The following NME9 variants were observed in gnomAD, a reference collection of about 807,000 sequenced individuals.
NME9 encodes thioredoxin domain-containing protein 6.
Under a neutral mutation model 44.4 loss-of-function variants are expected in NME9, and 48 were observed. That is an observed-to-expected ratio of 1.08 (90% CI 0.86 to 1.37). The LOEUF (loss-of-function observed/expected upper bound fraction) is 1.37, where lower values mean the gene tolerates loss of function less well. Ranked by LOEUF, NME9 falls within the 40% of genes most tolerant of loss-of-function variation. The pLI is 0.00. For missense variants in NME9, 325 were observed against 405.2 expected (o/e 0.80, Z 1.70); for synonymous variants, 139 against 147.1 (o/e 0.94, Z 0.40).
intron 8 of NME9, chr3:138,274,666 A>G: frequency 1.5e-6 from 1 of 668,506 alleles, no homozygotes; most frequent in Non-Finnish European, 2.6e-6. Context: ...GATGCTCTAG[A>G]AATAGGAAGA....
chr3:138,287,642 C>G (rs770230940), intron 8 of NME9: 1 of 456,682 alleles, frequency 2.2e-6, no homozygotes, highest in Admixed American at 2.3e-5. Flanking sequence ...GGAGCCCAAA[C>G]TGGACATCTC....
intron 8 of NME9, among the ~76,000 whole-genome samples, chr3:138,282,759 T>C (rs1397891129): frequency 2.0e-5 from 3 of 152,136 alleles, no homozygotes; most frequent in Admixed American, 1.3e-4. Context: ...ATCTTGAACT[T>C]GGACTCCTAA....
Position 138,264,757 on chromosome 3 carries a change from A to G in NME9, c.746-2171T>C, listed in dbSNP as rs6788103. 7.0e-3 allele frequency among the ~76,000 whole-genome samples: 1,039 copies of G among 148,318 alleles called. 9 individuals are homozygous for G. Among genetic ancestry groups the G allele is most frequent in the African/African-American group, 0.024 (995 of 41,296 alleles). ...TTTATTAACTAAGCTTTAGTTACTCATCTGATCTCCCTATTTGTTTAATAT... is the reference window on the plus strand; with the variant it reads ...TTTATTAACTAAGCTTTAGTTACTCGTCTGATCTCCCTATTTGTTTAATAT... On this transcript the variant is annotated intron_variant, in intron 8 of 8. Coordinates refer to the NME9 transcript ENST00000317876.
At chr3:138,305,956 G>T in intron 8 of NME9, 48 bp downstream of exon 8, 3 of 1,214,558 alleles carry the variant, frequency 2.5e-6, no homozygotes, top group Non-Finnish European at 3.7e-6. Context: ...TAATGTTGGA[G>T]GAAGAGAAAC....
chr3:138,262,377 T>A, exon 9 of NME9: 1 of 795,680 alleles, frequency 1.3e-6, no homozygotes, highest in Non-Finnish European at 2.0e-6. Context: ...AAATTACCAT[T>A]CCTAATCTAC....
At chr3:138,272,505 T>C (rs1391420196) in intron 8 of NME9, among the ~76,000 whole-genome samples, 3 of 152,180 alleles carry the variant, frequency 2.0e-5, no homozygotes, top group Admixed American at 1.3e-4. Context: ...GACAGAAATA[T>C]AGGTGATTAA....
At chr3:138,312,428 A>G (rs986973547) in intron 6 of NME9, among the ~76,000 whole-genome samples, 7 of 152,052 alleles carry the variant, frequency 4.6e-5, no homozygotes, top group Non-Finnish European at 8.8e-5. Flanking sequence ...GACACAGAAT[A>G]GCGAACCCAG....
chr3:138,266,923 C>T (rs2048337668), intron 8 of NME9, among the ~76,000 whole-genome samples: 1 of 152,128 alleles, frequency 6.6e-6, no homozygotes, highest in Non-Finnish European at 1.5e-5. Flanking sequence ...GCAAGAGCCC[C>T]CAGTGAGGCT....
chr3:138,291,133 A>G (rs1364389795), intron 8 of NME9, among the ~76,000 whole-genome samples: 1 of 152,252 alleles, frequency 6.6e-6, no homozygotes, highest in Non-Finnish European at 1.5e-5. Flanking sequence ...ACCTCAAAAT[A>G]GCCATAAATG....
At chr3:138,277,064 C>T (rs189243985) in intron 8 of NME9, among the ~76,000 whole-genome samples, 67 of 151,960 alleles carry the variant, frequency 4.4e-4, no homozygotes, top group Admixed American at 2.5e-3. Context: ...ATGGTCTTAG[C>T]AAAAAAAGAT....
chr3:138,303,761 T>C, intron 9 of NME9, 118 bp from the exon 10 acceptor site: 1 of 876,052 alleles, frequency 1.1e-6, no homozygotes, highest in East Asian at 2.6e-5. Context: ...GTGAAATTGA[T>C]TTCTCTGCAG....
chr3:138,315,469 A>T (rs2053005315), intron 5 of NME9, 58 bp downstream of exon 5: 1 of 1,177,486 alleles, frequency 8.5e-7, no homozygotes, highest in Non-Finnish European at 1.2e-6. Context: ...GGGACTGCTG[A>T]TCTCGCCCTA....
intron 8 of NME9, among the ~76,000 whole-genome samples, chr3:138,280,587 G>A (rs533675653): frequency 4.6e-5 from 7 of 150,672 alleles, no homozygotes; most frequent in South Asian, 2.1e-4. Flanking sequence ...TCCGTCTTCC[G>A]GGTTCACGCC....
intron 6 of NME9, among the ~76,000 whole-genome samples, chr3:138,308,277 G>A (rs534644074): frequency 8.5e-5 from 13 of 152,238 alleles, no homozygotes; most frequent in African/African-American, 3.1e-4. Flanking sequence ...CTCCACACAT[G>A]TAAAAACAGC....
intron 4 of NME9, among the ~76,000 whole-genome samples, chr3:138,317,384 C>T (rs1034306437): frequency 3.3e-5 from 5 of 152,304 alleles, no homozygotes; most frequent in Non-Finnish European, 5.9e-5. Context: ...CCCAGTATTC[C>T]TGACTCTACA....
chr3:138,306,963 C>A (rs74373866), intron 6 of NME9, among the ~76,000 whole-genome samples: 3 of 152,192 alleles, frequency 2.0e-5, no homozygotes, highest in African/African-American at 7.2e-5. Context: ...CTGTCTGCCA[C>A]GTGCTCTCCT....
At chr3:138,324,723 C>T in intron 2 of NME9, 150 bp downstream of exon 2, 1 of 663,500 alleles carries the variant, frequency 1.5e-6, no homozygotes. Flanking sequence ...CACACACACA[C>T]ACACACACAC....
chr3:138,321,539 T>C (rs957087895), intron 2 of NME9, among the ~76,000 whole-genome samples: 8 of 152,182 alleles, frequency 5.3e-5, no homozygotes, highest in African/African-American at 1.2e-4. Context: ...GGGGACACAT[T>C]TAAACCACAG....
intron 8 of NME9, chr3:138,267,144 T>C: frequency 6.8e-7 from 1 of 1,466,080 alleles, no homozygotes; most frequent in East Asian, 2.3e-5. Context: ...TATCCTTTTT[T>C]AATTCCATAG....
Sources: allele counts gnomAD v4.1 joint callset (sites outside exome capture counted in the v4.1 genomes callset), GRCh38; gene constraint gnomAD v4.1.1; transcripts MANE v1.5; gene names NCBI Gene and HGNC (gene_info 2026-07-23, HGNC 2026-07-21).